The following PLCXD3 variants were observed in gnomAD, a reference collection of about 807,000 sequenced individuals.
PLCXD3 encodes phosphatidylinositol specific phospholipase C X domain containing 3.
Under a neutral mutation model 25.5 loss-of-function variants are expected in PLCXD3, and 19 were observed. The observed-to-expected ratio is 0.75, with a 90% CI of 0.52 to 1.09. The LOEUF (loss-of-function observed/expected upper bound fraction) is 1.09, where lower values mean the gene tolerates loss of function less well. Among genes scored for constraint, PLCXD3 ranks in the 50% least tolerant of loss-of-function variants. PLCXD3 has a pLI of 0.00. For missense variants in PLCXD3, 411 were observed against 388.1 expected, an observed-to-expected ratio of 1.06 and a Z score of -0.50; for synonymous variants, 174 against 137.6, an observed-to-expected ratio of 1.26 and a Z score of -1.85.
intron 1 of PLCXD3, chr5:41,475,540 C>T: frequency 2.0e-6 from 1 of 509,778 alleles, no homozygotes; most frequent in Non-Finnish European, 4.0e-6. Flanking sequence ...CTATTTATCT[C>T]TACTTATTTC....
At chr5:41,328,928 A>C (rs1743709799) in intron 2 of PLCXD3, among the ~76,000 whole-genome samples, 1 of 152,158 alleles carries the variant, frequency 6.6e-6, no homozygotes, top group South Asian at 2.1e-4. Context: ...AGAATGTTTC[A>C]ATTACCTCTC....
intron 2 of PLCXD3, among the ~76,000 whole-genome samples, chr5:41,316,913 C>T (rs1475301668): frequency 6.6e-6 from 1 of 152,212 alleles, no homozygotes; most frequent in Non-Finnish European, 1.5e-5. Flanking sequence ...CTGGACCCAC[C>T]CAGGGCTTGG....
intron 1 of PLCXD3, among the ~76,000 whole-genome samples, chr5:41,447,934 G>C (rs1257827607): frequency 6.6e-6 from 1 of 152,156 alleles, no homozygotes; most frequent in Non-Finnish European, 1.5e-5. Context: ...AAGCATTCTG[G>C]CTATTGTTGG....
intron 1 of PLCXD3, among the ~76,000 whole-genome samples, chr5:41,425,256 C>T (rs1746927394): frequency 6.6e-6 from 1 of 151,942 alleles, no homozygotes; most frequent in Non-Finnish European, 1.5e-5. Flanking sequence ...TTTCATGACT[C>T]CAGTGTGTCT....
At position 41,338,140 on chromosome 5, in the gene PLCXD3, C is replaced by T. The variant is rs528351745; in HGVS notation, c.813-24370G>A. ...CAGAGAATATCGGGTCTGAAAATGT[C>T]TTTAAGACATTATAAAGTAGTCATA... On this transcript the variant is annotated intron_variant, in intron 2 of 2. Transcript: ENST00000377801. Among the ~76,000 whole-genome samples the T allele has an allele frequency of 4.6e-5, 7 of 152,168 alleles. No individual in the cohort carries two copies. In the South Asian group the frequency reaches 1.5e-3, roughly 32 times the overall value.
At chr5:41,317,170 A>C (rs747152626) in intron 2 of PLCXD3, among the ~76,000 whole-genome samples, 7 of 152,220 alleles carry the variant, frequency 4.6e-5, no homozygotes, top group Non-Finnish European at 8.8e-5. Context: ...ATGGAGTGGG[A>C]GACTCTGTAT....
At chr5:41,420,449 A>G (rs1263741139) in intron 1 of PLCXD3, among the ~76,000 whole-genome samples, 1 of 152,128 alleles carries the variant, frequency 6.6e-6, no homozygotes, top group African/African-American at 2.4e-5. Context: ...AAAACAACCA[A>G]CTTTAGATGC....
intron 1 of PLCXD3, among the ~76,000 whole-genome samples, chr5:41,406,680 T>C (rs1172610214): frequency 6.6e-6 from 1 of 152,078 alleles, no homozygotes; most frequent in Non-Finnish European, 1.5e-5. Flanking sequence ...TGGCTTCCTG[T>C]GGGGGCCACT....
chr5:41,326,317 T>G (rs1467665003), intron 2 of PLCXD3, among the ~76,000 whole-genome samples: 1 of 151,880 alleles, frequency 6.6e-6, no homozygotes, highest in Non-Finnish European at 1.5e-5. Flanking sequence ...TGTTCCTTTT[T>G]TGTGTGTGTT....
chr5:41,394,251 T>C (rs1000996950), intron 1 of PLCXD3, among the ~76,000 whole-genome samples: 8 of 152,114 alleles, frequency 5.3e-5, no homozygotes, highest in African/African-American at 1.9e-4. Flanking sequence ...TAAGATAGCA[T>C]TGGTAAGCCT....
intron 1 of PLCXD3, among the ~76,000 whole-genome samples, chr5:41,400,672 A>G (rs192968695): frequency 3.3e-5 from 5 of 152,170 alleles, no homozygotes; most frequent in African/African-American, 1.2e-4. Context: ...AGAGTAGAAG[A>G]TGGTTACCAG....
intron 1 of PLCXD3, among the ~76,000 whole-genome samples, chr5:41,478,952 T>C (rs1580393466): frequency 6.6e-6 from 1 of 152,252 alleles, no homozygotes; most frequent in South Asian, 2.1e-4. Flanking sequence ...GAACTCACTA[T>C]CATGAGAACA....
intron 1 of PLCXD3, among the ~76,000 whole-genome samples, chr5:41,456,362 T>C (rs1203843347): frequency 2.6e-5 from 4 of 151,968 alleles, no homozygotes; most frequent in African/African-American, 9.7e-5. Flanking sequence ...TCATACTTCT[T>C]TAAAACCTAT....
chr5:41,445,420 T>C (rs1747470984), intron 1 of PLCXD3, among the ~76,000 whole-genome samples: 1 of 152,190 alleles, frequency 6.6e-6, no homozygotes, highest in Non-Finnish European at 1.5e-5. Flanking sequence ...AGTATCATTC[T>C]CAAAAGCATG....
intron 2 of PLCXD3, among the ~76,000 whole-genome samples, chr5:41,371,542 C>T (rs1318608547): frequency 1.3e-5 from 2 of 152,072 alleles, no homozygotes; most frequent in African/African-American, 4.8e-5. Flanking sequence ...TACAGCAAAC[C>T]CCTGCTTCCT....
intron 1 of PLCXD3, among the ~76,000 whole-genome samples, chr5:41,476,118 T>C (rs1748277524): frequency 6.6e-6 from 1 of 152,190 alleles, no homozygotes; most frequent in African/African-American, 2.4e-5. Flanking sequence ...TTTCACATCA[T>C]CATAAAATAG....
At chr5:41,431,045 A>G (rs1747086909) in intron 1 of PLCXD3, among the ~76,000 whole-genome samples, 1 of 152,188 alleles carries the variant, frequency 6.6e-6, no homozygotes, top group African/African-American at 2.4e-5. Context: ...CTTTACTGAG[A>G]AACTTATTAT....
At chr5:41,375,562 G>A (rs1745268815) in intron 2 of PLCXD3, among the ~76,000 whole-genome samples, 1 of 152,066 alleles carries the variant, frequency 6.6e-6, no homozygotes, top group African/African-American at 2.4e-5. Context: ...AGGCAAGAAG[G>A]ATTAAGCCCA....
In PLCXD3 at chr5:41,411,917, CAT is replaced by C. The variant is rs1311318749; in HGVS notation, c.104-29385_104-29384del. ...ATATATATCTCCATATATATGTATC[CAT>C]ATATATATCTCCATATATATGTATC... On this transcript the variant is annotated intron_variant, in intron 1 of 2. Coordinates refer to ENST00000377801, the MANE Select transcript of PLCXD3 (RefSeq NM_001005473.3). 8.9e-3 allele frequency among the ~76,000 whole-genome samples: 32 copies of C among 3,612 alleles called. 4 individuals are homozygous for C. The highest frequency in any genetic ancestry group is 0.053 in the African/African-American group (30 of 570). The allele number at this position is 3,612 out of a possible 152,430, so 2.4% of individuals were successfully genotyped here. A position where few individuals can be genotyped will look rare whatever the true frequency, so the allele number is the denominator to read the frequency against.
Sources: allele counts gnomAD v4.1 joint callset (sites outside exome capture counted in the v4.1 genomes callset), GRCh38; gene constraint gnomAD v4.1.1; transcripts MANE v1.5; gene names NCBI Gene and HGNC (gene_info 2026-07-23, HGNC 2026-07-21).